The following RBFOX3 variants were observed in gnomAD, a reference collection of about 807,000 sequenced individuals.
The protein encoded by RBFOX3 is RNA binding protein fox-1 homolog 3.
In RBFOX3, 17 loss-of-function variants were observed where a neutral mutation model predicts 48.7. The observed-to-expected ratio is 0.35, with a 90% CI of 0.24 to 0.52. The LOEUF (loss-of-function observed/expected upper bound fraction) is 0.52. RBFOX3 is among the 20% of genes least tolerant of loss of function. RBFOX3 has a pLI of 0.94. For synonymous variants in RBFOX3, 212 were observed against 209.5 expected (o/e 1.01, Z -0.10); for missense variants, 382 against 497.5 (o/e 0.77, Z 2.21).
chr17:79,224,250 C>T (rs1328545950), intron 4 of RBFOX3, among the ~76,000 whole-genome samples: 4 of 152,158 alleles, frequency 2.6e-5, no homozygotes, highest in Non-Finnish European at 4.4e-5. Context: ...GCAGCCCACC[C>T]GATGGCTGCC....
At chr17:79,161,657 G>A (rs187319990) in intron 4 of RBFOX3, among the ~76,000 whole-genome samples, 8 of 152,224 alleles carry the variant, frequency 5.3e-5, no homozygotes, top group South Asian at 2.1e-4. Context: ...GTGCAGTGGC[G>A]CGATCTTGTT....
At chr17:79,472,725 G>A (rs2077204346) in intron 2 of RBFOX3, among the ~76,000 whole-genome samples, 1 of 152,156 alleles carries the variant, frequency 6.6e-6, no homozygotes, top group Non-Finnish European at 1.5e-5. Flanking sequence ...CACATCTCAT[G>A]ACCACCCTCC....
intron 2 of RBFOX3, among the ~76,000 whole-genome samples, chr17:79,451,065 T>G (rs1555741347): frequency 6.6e-6 from 1 of 152,132 alleles, no homozygotes; most frequent in African/African-American, 2.4e-5. Flanking sequence ...GGCAGTGTTT[T>G]CTGTCCAGAA....
At chr17:79,642,348 T>TCTTCACCACAACAA in the RBFOX3 span, among the ~76,000 whole-genome samples, 1 of 152,190 alleles carries the variant, frequency 6.6e-6, no homozygotes, top group African/African-American at 2.4e-5. Context: ...GGTAGATTTT[T>TCTTCACCACAACAA]AAGTATCTTC....
chr17:79,094,361 A>T, intron 14 of RBFOX3, 90 bp downstream of exon 14: 1 of 918,054 alleles, frequency 1.1e-6, no homozygotes, highest in Non-Finnish European at 1.6e-6. Flanking sequence ...GGCATTGGTC[A>T]GAGGGCTCGG....
chr17:79,152,016 G>A (rs1049335419), intron 4 of RBFOX3, among the ~76,000 whole-genome samples: 1 of 151,900 alleles, frequency 6.6e-6, no homozygotes, highest in African/African-American at 2.4e-5. Flanking sequence ...AGGGGAGAAC[G>A]CTAAGAAATG....
chr17:79,377,091 C>G (rs1001045121), intron 2 of RBFOX3, among the ~76,000 whole-genome samples: 3 of 152,128 alleles, frequency 2.0e-5, no homozygotes, highest in Non-Finnish European at 4.4e-5. Flanking sequence ...TACAAAATAT[C>G]CCTCCTTCTA....
In RBFOX3 at chr17:79,311,045, G is replaced by A. The variant is rs1251054048; in HGVS notation, c.-174-3221C>T. ...TGGCCTTTCTTAATGTGGGTGGGTG[G>A]GCTTCATCCAGTCAGTCGAAAGGCT... is the stretch of plus-strand genomic sequence containing the variant. On this transcript the variant is annotated intron_variant, in intron 2 of 14. Transcript: ENST00000693108. The surrounding 1 kb of genome is among the most constrained non-coding windows in gnomAD (Gnocchi z 4.2). Among the ~76,000 whole-genome samples, 2 of 152,088 alleles carry A rather than the reference G, an allele frequency of 1.3e-5. No homozygotes were observed. The highest frequency in any genetic ancestry group is 2.9e-5 in the Non-Finnish European group (2 of 68,016).
intron 2 of RBFOX3, among the ~76,000 whole-genome samples, chr17:79,325,375 G>T (rs1183263472): frequency 6.6e-6 from 1 of 152,188 alleles, no homozygotes; most frequent in Non-Finnish European, 1.5e-5. Context: ...CTCATTGAAA[G>T]AAAGAGCTAT....
chr17:79,262,476 G>A (rs769505952), intron 3 of RBFOX3, among the ~76,000 whole-genome samples: 50 of 152,192 alleles, frequency 3.3e-4, no homozygotes, highest in Non-Finnish European at 2.9e-4. Context: ...AAGAACAATC[G>A]ATGGGTAGAT....
chr17:79,573,382 T>G (rs998529141), intron 1 of RBFOX3, among the ~76,000 whole-genome samples: 4 of 152,214 alleles, frequency 2.6e-5, no homozygotes, highest in Non-Finnish European at 4.4e-5. Context: ...CTCTGGGCTA[T>G]GCAGTCCCCA....
rs1194292571 is a variant in RBFOX3, at chr17:79,477,624, G to A, written c.-175+4830C>T. Among the ~76,000 whole-genome samples, 1 of 152,116 alleles carries A rather than the reference G, an allele frequency of 6.6e-6. No homozygotes were observed. The highest frequency in any genetic ancestry group is 1.5e-5 in the Non-Finnish European group (1 of 68,008). The stretch of plus-strand genomic sequence containing the variant: ...ACAGAAGCAATGGAGTGGGGCCCCA[G>A]GTCCTTGTCTCATGTCCTCTTTCTC... On this transcript the variant is annotated intron_variant, in intron 2 of 14. Coordinates refer to ENST00000693108, the MANE Select transcript of RBFOX3 (RefSeq NM_001350451.2). This position sits in a 1 kb window ranked among gnomAD's most constrained non-coding sequence, Gnocchi z 4.8.
At chr17:79,115,844 C>T (rs1305723457) in intron 4 of RBFOX3, 96 bp from the exon 5 acceptor site, 1 of 548,584 alleles carries the variant, frequency 1.8e-6, no homozygotes, top group African/African-American at 2.0e-5. Flanking sequence ...GCTTCTCCAG[C>T]AGTATTTTCA....
At chr17:79,523,757 T>A (rs1186494630) in intron 1 of RBFOX3, among the ~76,000 whole-genome samples, 1 of 152,150 alleles carries the variant, frequency 6.6e-6, no homozygotes, top group Non-Finnish European at 1.5e-5. Flanking sequence ...CAAACACAAA[T>A]TAAACACAAG....
At chr17:79,428,512 CT>C (rs1598648701) in intron 2 of RBFOX3, among the ~76,000 whole-genome samples, 1 of 152,250 alleles carries the variant, frequency 6.6e-6, no homozygotes, top group East Asian at 1.9e-4. Flanking sequence ...CTGCTGTCCC[CT>C]GAACATCACC....
the RBFOX3 span, among the ~76,000 whole-genome samples, chr17:79,650,744 A>C: frequency 5.5e-3 from 833 of 152,160 alleles, 7 homozygotes; most frequent in Non-Finnish European, 9.6e-3. Flanking sequence ...GACACTTAGG[A>C]GTCACAGTAG....
At position 79,363,423 on chromosome 17, in the gene RBFOX3, G is replaced by T. The variant is rs1160638288; in HGVS notation, c.-174-55599C>A. Among the ~76,000 whole-genome samples the T allele has an allele frequency of 6.6e-6, 1 of 152,034 alleles. No homozygotes were observed. Among genetic ancestry groups the T allele is most frequent in the Admixed American group, 6.5e-5 (1 of 15,274 alleles). ...AAATAGGGGGCTAAGGTGTTCCCAG[G>T]CCTGGTCACCTCCACCCCAGACTTC... On this transcript the variant is annotated intron_variant, in intron 2 of 14. Coordinates refer to ENST00000693108, the MANE Select transcript of RBFOX3 (RefSeq NM_001350451.2). This position sits in a 1 kb window ranked among gnomAD's most constrained non-coding sequence, Gnocchi z 4.7.
intron 2 of RBFOX3, among the ~76,000 whole-genome samples, chr17:79,440,576 C>G (rs954297052): frequency 6.6e-6 from 1 of 152,210 alleles, no homozygotes; most frequent in Non-Finnish European, 1.5e-5. Flanking sequence ...AGATTTTCCT[C>G]ATTGGCCGTC....
chr17:79,339,949 T>A (rs2081794503), intron 2 of RBFOX3, among the ~76,000 whole-genome samples: 1 of 152,228 alleles, frequency 6.6e-6, no homozygotes, highest in Non-Finnish European at 1.5e-5. Flanking sequence ...AGAGTCCTGC[T>A]GATGCCCCCT....
Sources: gnomAD v4.1 joint callset for allele counts (sites outside exome capture counted in the v4.1 genomes callset) on GRCh38, gnomAD v4.1.1 for gene constraint, Gnocchi (gnomAD v3.1) non-coding constraint, MANE v1.5 for transcripts, NCBI Gene and HGNC (gene_info 2026-07-23, HGNC 2026-07-21) for gene names.